CREBRF: variants seen among roughly 807,000 people sequenced by gnomAD.
The protein encoded by CREBRF is CREB3 regulatory factor.
A neutral mutation model predicts 66.1 loss-of-function variants in CREBRF; 5 were observed. The observed-to-expected ratio is 0.08, with a 90% confidence interval of 0.04 to 0.16. CREBRF has a LOEUF of 0.16. Among genes scored for constraint, CREBRF ranks in the 10% least tolerant of loss-of-function variants. The probability of loss-of-function intolerance (pLI) is 1.00; values close to 1 mark genes in which losing one functional copy is unlikely to be tolerated. For synonymous variants in CREBRF, 229 were observed against 264.4 expected, an observed-to-expected ratio of 0.87 and a Z score of 1.30; for missense variants, 531 against 744.9, an observed-to-expected ratio of 0.71 and a Z score of 3.34.
At chr5:173,076,203 G>T (rs1173514160) in intron 1 of CREBRF, among the ~76,000 whole-genome samples, 1 of 152,150 alleles carries the variant, frequency 6.6e-6, no homozygotes, top group African/African-American at 2.4e-5. Flanking sequence ...ATGAGAGCAC[G>T]TGAGACAGAG....
chr5:173,112,996 T>C (rs1157913825), intron 7 of CREBRF, among the ~76,000 whole-genome samples: 7 of 152,214 alleles, frequency 4.6e-5, no homozygotes, highest in African/African-American at 1.7e-4. Context: ...CAGATCATTC[T>C]CTTTTTGTGT....
chr5:173,088,600 C>T (rs897811747), intron 3 of CREBRF, among the ~76,000 whole-genome samples: 1 of 150,842 alleles, frequency 6.6e-6, no homozygotes, highest in Non-Finnish European at 1.5e-5. Flanking sequence ...AAACATTGAG[C>T]AAGGCATGTG....
At chr5:173,114,392 G>A (rs754027365) in intron 7 of CREBRF, among the ~76,000 whole-genome samples, 94 of 152,108 alleles carry the variant, frequency 6.2e-4, no homozygotes, top group Admixed American at 5.9e-4. Flanking sequence ...CAGCCCAATA[G>A]TTTCTAGAAT....
At chr5:173,072,561 TC>T (rs1445684770) in intron 1 of CREBRF, among the ~76,000 whole-genome samples, 1 of 151,184 alleles carries the variant, frequency 6.6e-6, no homozygotes, top group African/African-American at 2.4e-5. Flanking sequence ...CAGGCGTGAG[TC>T]ACTGTACCTA....
intron 4 of CREBRF, among the ~76,000 whole-genome samples, chr5:173,106,969 C>T (rs540527290): frequency 5.9e-5 from 9 of 152,212 alleles, no homozygotes; most frequent in East Asian, 1.9e-4. Context: ...AGGCTGGTCT[C>T]GAACTCCTGA....
intron 8 of CREBRF, chr5:173,124,633 G>A (rs1341919834): frequency 6.7e-6 from 1 of 150,128 alleles, no homozygotes. Context: ...GTACTTTGCT[G>A]TTTTTGCTTA....
At chr5:173,056,788 G>T (rs1757057015) in intron 1 of CREBRF, among the ~76,000 whole-genome samples, 1 of 151,984 alleles carries the variant, frequency 6.6e-6, no homozygotes, top group African/African-American at 2.4e-5. Flanking sequence ...GCAGCGCCGG[G>T]CGTCCGTCCT....
In CREBRF at chr5:173,138,931, A is replaced by G. The variant is rs577567211; in HGVS notation, c.*5186A>G. 2 of 152,164 alleles carry G rather than the reference A, an allele frequency of 1.3e-5. No individual in the cohort carries two copies. Among genetic ancestry groups the G allele is most frequent in the Admixed American group, 6.5e-5 (1 of 15,274 alleles). The allele number at this position is 152,164 out of a possible 1,614,324, so 9.4% of individuals were successfully genotyped here. A position where few individuals can be genotyped will look rare whatever the true frequency, so the allele number is the denominator to read the frequency against. On this transcript the variant is annotated 3_prime_UTR_variant, in exon 9 of 9. Transcript: ENST00000296953. ...AGAATTCAAAGCATTTGTTCATACA[A>G]TGTGGCAACCTCTTTTGCATAGTTG...
At chr5:173,118,201 G>A (rs924014864) in intron 7 of CREBRF, among the ~76,000 whole-genome samples, 4 of 151,750 alleles carry the variant, frequency 2.6e-5, no homozygotes, top group African/African-American at 9.7e-5. Flanking sequence ...GTAGAGACAG[G>A]GTTATGCCAT....
intron 8 of CREBRF, among the ~76,000 whole-genome samples, chr5:173,127,490 CGCTG>C (rs1759305298): frequency 2.7e-5 from 4 of 147,442 alleles, no homozygotes; most frequent in Non-Finnish European, 5.9e-5. Context: ...GATGGGGTCT[CGCTG>C]TGTCACCCAG....
chr5:173,109,270 G>A (rs1347019805), intron 5 of CREBRF: 1 of 154,264 alleles, frequency 6.5e-6, no homozygotes, highest in Non-Finnish European at 1.4e-5. Context: ...GATGGTTATG[G>A]AGAAAAGGAG....
intron 1 of CREBRF, among the ~76,000 whole-genome samples, chr5:173,058,274 T>C (rs1357078569): frequency 6.6e-6 from 1 of 152,360 alleles, no homozygotes; most frequent in Admixed American, 6.5e-5. Flanking sequence ...TTTAGGTTTG[T>C]GTTTACATCG....
chr5:173,112,508 CTGTTCAGTAA>C, intron 7 of CREBRF, 129 bp downstream of exon 7: 1 of 594,830 alleles, frequency 1.7e-6, no homozygotes, highest in Non-Finnish European at 3.0e-6. Flanking sequence ...ATTTGTTTAT[CTGTTCAGTAA>C]GCCACATGCT....
At chr5:173,085,476 G>T (rs1758118887) in intron 2 of CREBRF, 1 of 610,600 alleles carries the variant, frequency 1.6e-6, no homozygotes, top group Non-Finnish European at 2.9e-6. Context: ...GAGTGCAATG[G>T]CGAGATCTCA....
rs1759623291 is a variant in CREBRF, at chr5:173,137,820, G to A, written c.*4075G>A. On this transcript the variant is annotated 3_prime_UTR_variant, in exon 9 of 9. Transcript: ENST00000296953. ...ACATTTAAAAAAATTTAGCTGCTAA[G>A]ATTTAATGTTATAAGAAATGAATTC... 6.6e-6 allele frequency: 1 copy of A among 152,044 alleles called. No individual in the cohort carries two copies. Among genetic ancestry groups the A allele is most frequent in the Admixed American group, 6.6e-5 (1 of 15,262 alleles). The allele number at this position is 152,044 out of a possible 1,614,324, so 9.4% of individuals were successfully genotyped here.
chr5:173,095,597 T>C (rs1236100219), intron 4 of CREBRF, among the ~76,000 whole-genome samples: 1 of 152,206 alleles, frequency 6.6e-6, no homozygotes, highest in African/African-American at 2.4e-5. Flanking sequence ...TTTTGTGATT[T>C]CATATGAGTT....
At chr5:173,080,333 GTTT>G (rs538252704) in intron 1 of CREBRF, among the ~76,000 whole-genome samples, 1 of 140,240 alleles carries the variant, frequency 7.1e-6, no homozygotes, top group Non-Finnish European at 1.6e-5. Flanking sequence ...TTAATTTTGT[GTTT>G]TTTTTTTTTA....
At position 173,094,456 on chromosome 5, in the gene CREBRF, T is replaced by C. The variant is rs534883454; in HGVS notation, c.1222+3055T>C. On this transcript the variant is annotated intron_variant, in intron 4 of 8. Transcript: ENST00000296953. Reference sequence around the variant, plus strand: ...ATCCTCAATAACACTTGCTTTCATTTATCTTTTTGGTAATAGCCATGCCGA... The same window carrying C: ...ATCCTCAATAACACTTGCTTTCATTCATCTTTTTGGTAATAGCCATGCCGA... 4.6e-5 allele frequency among the ~76,000 whole-genome samples: 7 copies of C among 152,360 alleles called. No homozygotes were observed. The East Asian group carries it at 5.8e-4, about 13-fold the overall frequency.
intron 4 of CREBRF, among the ~76,000 whole-genome samples, chr5:173,099,147 G>C (rs1380527495): frequency 1.3e-5 from 2 of 151,866 alleles, no homozygotes; most frequent in African/African-American, 4.8e-5. Context: ...TTCACTTATG[G>C]CTTACATGCA....
Sources: allele counts gnomAD v4.1 joint callset (sites outside exome capture counted in the v4.1 genomes callset), GRCh38; gene constraint gnomAD v4.1.1; transcripts MANE v1.5; gene names NCBI Gene and HGNC (gene_info 2026-07-23, HGNC 2026-07-21).